CELF5: variants seen among roughly 807,000 people sequenced by gnomAD.
The protein encoded by CELF5 is CUG-BP and ETR-3 like factor 5.
In CELF5, 6 loss-of-function variants were observed where a neutral mutation model predicts 54.9. That is an observed-to-expected ratio of 0.11 (90% CI 0.06 to 0.22). CELF5 has a LOEUF of 0.22. Ranked by LOEUF, CELF5 falls within the 10% of genes least tolerant of loss-of-function variation. The probability of loss-of-function intolerance (pLI) is 1.00; values close to 1 mark genes in which losing one functional copy is unlikely to be tolerated. For synonymous variants in CELF5, 271 were observed against 290.9 expected (o/e 0.93, Z 0.70); for missense variants, 401 against 678.6 (o/e 0.59, Z 4.54).
intron 1 of CELF5, among the ~76,000 whole-genome samples, chr19:3,231,684 GTGGA>G (rs551061310): frequency 4.8e-4 from 69 of 142,620 alleles, no homozygotes; most frequent in East Asian, 4.0e-3. Flanking sequence ...GAGCAGGTGG[GTGGA>G]TGGATGGATG....
chr19:3,284,398 CA>C (rs1430476261), intron 8 of CELF5, among the ~76,000 whole-genome samples: 2 of 152,186 alleles, frequency 1.3e-5, no homozygotes, highest in African/African-American at 4.8e-5. Context: ...CCAGAATCAT[CA>C]GCTTTGGTGG....
At chr19:3,250,934 A>C (rs769253986) in intron 1 of CELF5, 51 bp from the exon 2 acceptor site, 5 of 1,390,480 alleles carry the variant, frequency 3.6e-6, no homozygotes, top group Non-Finnish European at 4.1e-6. Context: ...TGCTGCTGTG[A>C]CCATGGGTGT....
At chr19:3,253,016 C>G (rs2079671819) in intron 2 of CELF5, among the ~76,000 whole-genome samples, 1 of 151,898 alleles carries the variant, frequency 6.6e-6, no homozygotes, top group African/African-American at 2.4e-5. Flanking sequence ...GATCTAGAGT[C>G]TGCGGTAAAT....
At chr19:3,261,387 CA>C (rs2145184339) in intron 2 of CELF5, among the ~76,000 whole-genome samples, 2 of 151,422 alleles carry the variant, frequency 1.3e-5, no homozygotes, top group Admixed American at 1.3e-4. Context: ...CACTGTACTC[CA>C]GCATGGGCGA....
At position 3,228,619 on chromosome 19, in the gene CELF5, G is replaced by A. The variant is rs528932362; in HGVS notation, c.259+3621G>A. On this transcript the variant is annotated intron_variant, in intron 1 of 12. Transcript: ENST00000292672. The surrounding 1 kb of genome is among the most constrained non-coding windows in gnomAD (Gnocchi z 6.0). The stretch of plus-strand genomic sequence containing the variant: ...TGCGCTGGGGGACGGTGCAGGTGGG[G>A]GGGGGGCCCGGCGGGGGCCCGGGTG... Among the ~76,000 whole-genome samples the A allele has an allele frequency of 6.6e-6, 1 of 152,034 alleles. No individual in the cohort carries two copies. Among genetic ancestry groups the A allele is most frequent in the African/African-American group, 2.4e-5 (1 of 41,406 alleles).
In CELF5 at chr19:3,278,160, A is replaced by AG. The variant is rs775342034; in HGVS notation, c.603+55dup. ...TGGGGGTGGGGGTGGGAAAGGGGTGAGGGGGACAGGGATGAAACAGGCCAT... is the reference window on the plus strand; with the variant it reads ...TGGGGGTGGGGGTGGGAAAGGGGTGAGGGGGGACAGGGATGAAACAGGCCAT... On this transcript the variant is annotated intron_variant, in intron 5 of 12. Coordinates refer to ENST00000292672, the MANE Select transcript of CELF5 (RefSeq NM_021938.4). This position sits in a 1 kb window ranked among gnomAD's most constrained non-coding sequence, Gnocchi z 4.5. The AG allele has an allele frequency of 3.2e-6, 2 of 627,962 alleles. No individual in the cohort carries two copies. Among genetic ancestry groups the AG allele is most frequent in the East Asian group, 6.6e-5 (2 of 30,238 alleles). The allele number at this position is 627,962 out of a possible 1,614,324, so 38.9% of individuals were successfully genotyped here.
chr19:3,267,803 G>GCACA (rs199504648), intron 2 of CELF5, among the ~76,000 whole-genome samples: 1 of 130,906 alleles, frequency 7.6e-6, no homozygotes, highest in African/African-American at 2.7e-5. Flanking sequence ...CCCTCTCTGT[G>GCACA]CAGGGTCACA....
Position 3,281,219 on chromosome 19 carries a change from G to A in CELF5, c.624G>A (p.Val208=), listed in dbSNP as rs746448709. Residue 208 remains valine (V), a synonymous_variant, in exon 6 of 13, where the codon GTG becomes GTA. Transcript: ENST00000292672. This position sits in a 1 kb window ranked among gnomAD's most constrained non-coding sequence, Gnocchi z 6.5. The part of the protein sequence containing the change: ...QTMPGASSSL[V]VKFADTDKER... Reference sequence around the variant, plus strand: ...TGCAGGGAGCCTCCTCCAGCCTGGTGGTCAAGTTCGCCGACACGGACAAGG... The same window carrying A: ...TGCAGGGAGCCTCCTCCAGCCTGGTAGTCAAGTTCGCCGACACGGACAAGG... The A allele has an allele frequency of 1.9e-6, 3 of 1,608,108 alleles. No individual in the cohort carries two copies. Among genetic ancestry groups the A allele is most frequent in the East Asian group, 4.5e-5 (2 of 44,830 alleles).
At chr19:3,292,001 C>T (rs1480599441) in intron 11 of CELF5, among the ~76,000 whole-genome samples, 1 of 152,060 alleles carries the variant, frequency 6.6e-6, no homozygotes, top group Non-Finnish European at 1.5e-5. Context: ...GGCTGGAGTG[C>T]AATTGCACGA....
intron 12 of CELF5, chr19:3,295,081 C>G (rs2080414076): frequency 1.3e-5 from 2 of 152,402 alleles, no homozygotes; most frequent in African/African-American, 4.8e-5. Flanking sequence ...TTTTCTGCTT[C>G]CAACCGATCC....
rs1438331133 is a variant in CELF5, at chr19:3,275,925, A to T, written c.464A>T (p.Gln155Leu). The change falls in exon 4 of 13, where the codon CAG becomes CTG. Residue 155 changes from glutamine to leucine, a missense_variant. Around this residue, in one of 6 missense-constraint regions of CELF5, gnomAD observed 87 missense variants for 190.2 expected, o/e 0.46. Coordinates refer to ENST00000292672, the MANE Select transcript of CELF5 (RefSeq NM_021938.4). The surrounding 1 kb of genome is among the most constrained non-coding windows in gnomAD (Gnocchi z 6.7). ...GAGGAGGACGTGCTGCGGCTGTTCC[A>T]GCCCTTCGGGGTCATTGACGAGTGC... ...QSEEDVLRLFQPFGVIDECTV... is the reference protein window; with the variant it reads ...QSEEDVLRLFLPFGVIDECTV... 1.9e-6 allele frequency: 3 copies of T among 1,611,838 alleles called. No homozygotes were observed. The highest frequency in any genetic ancestry group is 2.7e-5 in the African/African-American group (2 of 74,636).
intron 1 of CELF5, among the ~76,000 whole-genome samples, chr19:3,243,397 T>A (rs1283151201): frequency 6.6e-6 from 1 of 152,144 alleles, no homozygotes; most frequent in Non-Finnish European, 1.5e-5. Flanking sequence ...TCTCCTGTCT[T>A]GACCTCCTGA....
In CELF5 at chr19:3,273,938, G is replaced by T. The variant is rs778457919; in HGVS notation, c.394+15G>T. 6.2e-7 allele frequency: 1 copy of T among 1,611,896 alleles called. No homozygotes were observed. Among genetic ancestry groups the T allele is most frequent in the African/African-American group, 1.3e-5 (1 of 74,894 alleles). On this transcript the variant is annotated intron_variant, in intron 3 of 12. Transcript: ENST00000292672. Reference sequence around the variant, plus strand: ...CCGCGGAGGTAGTTGTCATCTCTCCGTGGCTGCCAGGCTGGGGGTTGGCGG... The same window carrying T: ...CCGCGGAGGTAGTTGTCATCTCTCCTTGGCTGCCAGGCTGGGGGTTGGCGG...
intron 4 of CELF5, 53 bp from the exon 5 acceptor site, chr19:3,277,978 A>G: frequency 6.8e-7 from 1 of 1,461,204 alleles, no homozygotes; most frequent in Non-Finnish European, 9.6e-7. Context: ...GCCCCCGCTC[A>G]GCCAGTCCTG....
intron 1 of CELF5, among the ~76,000 whole-genome samples, chr19:3,226,047 T>C (rs2144953274): frequency 6.6e-6 from 1 of 151,936 alleles, no homozygotes; most frequent in East Asian, 2.0e-4. Context: ...AGCGTCTGAA[T>C]TGGGGTGGCT....
chr19:3,259,490 C>T (rs752389192), intron 2 of CELF5, among the ~76,000 whole-genome samples: 3 of 150,688 alleles, frequency 2.0e-5, no homozygotes, highest in Non-Finnish European at 3.0e-5. Context: ...AAAGTTGAAT[C>T]CTCTCCCTGC....
intron 1 of CELF5, among the ~76,000 whole-genome samples, chr19:3,238,956 A>T (rs2079453404): frequency 6.6e-6 from 1 of 152,048 alleles, no homozygotes; most frequent in Non-Finnish European, 1.5e-5. Context: ...AAAATTAAGG[A>T]TGCTTGTCCT....
At chr19:3,246,696 G>C (rs1232686470) in intron 1 of CELF5, among the ~76,000 whole-genome samples, 2 of 152,088 alleles carry the variant, frequency 1.3e-5, no homozygotes, top group Non-Finnish European at 2.9e-5. Context: ...CTGGGCAACA[G>C]AGCAAGACCC....
intron 1 of CELF5, among the ~76,000 whole-genome samples, chr19:3,226,440 T>TCACACACACACACACACACA (rs71164666): frequency 0.019 from 2,271 of 118,858 alleles, 58 homozygotes; most frequent in Middle Eastern, 0.035. Flanking sequence ...AAACCAACCA[T>TCACACACACACACACACACA]CACACACACA....
Sources: allele counts gnomAD v4.1 joint callset (sites outside exome capture counted in the v4.1 genomes callset), GRCh38; gene constraint gnomAD v4.1.1; regional missense constraint gnomAD v4.1.1; non-coding constraint Gnocchi (gnomAD v3.1); transcripts MANE v1.5; gene names NCBI Gene and HGNC (gene_info 2026-07-23, HGNC 2026-07-21).